TRAK1: variants seen among roughly 807,000 people sequenced by gnomAD.
TRAK1 encodes the protein trafficking kinesin protein 1.
In TRAK1, 33 loss-of-function variants were observed where a neutral mutation model predicts 92.1. That is an observed-to-expected ratio of 0.36 (90% CI 0.27 to 0.48). The LOEUF (loss-of-function observed/expected upper bound fraction) is 0.48, where lower values mean the gene tolerates loss of function less well. Among genes scored for constraint, TRAK1 ranks in the 20% least tolerant of loss-of-function variants. The probability of loss-of-function intolerance (pLI) is 0.99; values close to 1 mark genes in which losing one functional copy is unlikely to be tolerated. For missense variants in TRAK1, 1,123 were observed against 1,257.9 expected (o/e 0.89, Z 1.62); for synonymous variants, 521 against 517.3 (o/e 1.01, Z -0.10).
At position 42,223,233 on chromosome 3, in the gene TRAK1, T is replaced by A; in HGVS notation, c.2358T>A (p.Pro786=). ...AVIPSTPPNS[P]MQTPTSSPPS... is the part of the protein sequence containing the mutation. ...TCCCCTCTACTCCGCCGAACTCGCCTATGCAGACACCCACATCCTCCCCAC... is the reference window on the plus strand; with the variant it reads ...TCCCCTCTACTCCGCCGAACTCGCCAATGCAGACACCCACATCCTCCCCAC... The change falls in exon 16 of 16, where the codon CCT becomes CCA. Residue 786 remains proline (P), a synonymous_variant. Coordinates refer to ENST00000327628, the MANE Select transcript of TRAK1 (RefSeq NM_001042646.3). The surrounding 1 kb of genome is among the most constrained non-coding windows in gnomAD (Gnocchi z 6.1). The A allele has an allele frequency of 6.2e-7, 1 of 1,614,206 alleles. No individual in the cohort carries two copies. Among genetic ancestry groups the A allele is most frequent in the Non-Finnish European group, 8.5e-7 (1 of 1,180,030 alleles).
intron 1 of TRAK1, among the ~76,000 whole-genome samples, chr3:42,040,395 G>A (rs1702487275): frequency 6.6e-6 from 1 of 152,110 alleles, no homozygotes; most frequent in Non-Finnish European, 1.5e-5. Context: ...TTCTAAGAAT[G>A]TTATAGTTTT....
intron 1 of TRAK1, among the ~76,000 whole-genome samples, chr3:42,103,730 G>A (rs1433721504): frequency 7.9e-5 from 12 of 152,168 alleles, no homozygotes; most frequent in Non-Finnish European, 1.5e-4. Context: ...CAACATGGCC[G>A]AAAAGGAACA....
chr3:42,122,851 GT>G (rs1710068098), intron 1 of TRAK1, among the ~76,000 whole-genome samples: 1 of 152,134 alleles, frequency 6.6e-6, no homozygotes, highest in African/African-American at 2.4e-5. Context: ...GTCTGGTCTT[GT>G]TTTTGGCTGG....
chr3:42,013,650 G>A (rs1701394970), upstream of TRAK1, among the ~76,000 whole-genome samples: 2 of 148,024 alleles, frequency 1.4e-5, no homozygotes, highest in South Asian at 2.1e-4. This position sits in a 1 kb window ranked among gnomAD's most constrained non-coding sequence, Gnocchi z 5.1. Flanking sequence ...CCCGCTCGCG[G>A]GGGAGCCATG....
chr3:42,088,571 G>A (rs1044506983), upstream of TRAK1, among the ~76,000 whole-genome samples: 5 of 152,268 alleles, frequency 3.3e-5, no homozygotes, highest in African/African-American at 1.2e-4. Flanking sequence ...TTTCCCGCAG[G>A]CCAGTGTCTC....
At position 42,202,378 on chromosome 3, in the gene TRAK1, C is replaced by G; in HGVS notation, c.1428-58C>G. On this transcript the variant is annotated intron_variant, in intron 12 of 15. Coordinates refer to ENST00000327628, the MANE Select transcript of TRAK1 (RefSeq NM_001042646.3). The surrounding 1 kb of genome is among the most constrained non-coding windows in gnomAD (Gnocchi z 6.1). ...CACCGCTGTGCATTGAGCAGTCGGG[C>G]CTCTGTGGCCTTGGAGCCCTGCTGG... 1 of 1,438,876 alleles carries G rather than the reference C, an allele frequency of 6.9e-7. No individual in the cohort carries two copies. Among genetic ancestry groups the G allele is most frequent in the Non-Finnish European group, 9.2e-7 (1 of 1,089,612 alleles). 89.1% of individuals were successfully genotyped at this position (1,438,876 alleles called of 1,614,324 possible).
At position 42,106,338 on chromosome 3, in the gene TRAK1, A is replaced by G. The variant is rs546419012; in HGVS notation, c.91+14778A>G. On this transcript the variant is annotated intron_variant, in intron 1 of 15. Transcript: ENST00000327628. ...GGATGGAGGAAGATCTACCAAGCAA[A>G]TGGAAAACAAAACAAAAAAAAAGCA... Among the ~76,000 whole-genome samples the G allele has an allele frequency of 2.0e-5, 3 of 152,274 alleles. No individual in the cohort carries two copies. The South Asian group carries it at 6.2e-4, about 32-fold the overall frequency.
At chr3:42,108,278 C>CTAGG (rs1450654136) in intron 1 of TRAK1, among the ~76,000 whole-genome samples, 1 of 151,964 alleles carries the variant, frequency 6.6e-6, no homozygotes, top group East Asian at 1.9e-4. Flanking sequence ...ATCCCTTGAG[C>CTAGG]TAGGAGTTCA....
intron 1 of TRAK1, among the ~76,000 whole-genome samples, chr3:42,018,067 A>G (rs1331508042): frequency 7.0e-6 from 1 of 141,994 alleles, no homozygotes; most frequent in Non-Finnish European, 1.5e-5. Flanking sequence ...CCTGGGCAAC[A>G]TAGTGAGACC....
intron 1 of TRAK1, among the ~76,000 whole-genome samples, chr3:42,015,459 T>G (rs13064746): frequency 2.6e-5 from 4 of 152,144 alleles, no homozygotes; most frequent in African/African-American, 9.7e-5. Context: ...TCCTTCTCTG[T>G]GGTCTTGGAG....
chr3:42,192,671 A>C (rs1221309209), intron 7 of TRAK1, among the ~76,000 whole-genome samples: 1 of 152,224 alleles, frequency 6.6e-6, no homozygotes, highest in South Asian at 2.1e-4. Flanking sequence ...TGGGTGCAGC[A>C]GGGGATTCCT....
At chr3:42,182,808 A>G (rs1359776978) in intron 3 of TRAK1, among the ~76,000 whole-genome samples, 3 of 152,264 alleles carry the variant, frequency 2.0e-5, no homozygotes. Flanking sequence ...CTGCTATTGC[A>G]TGGAATAATT....
chr3:42,041,154 C>G (rs1051853571), intron 1 of TRAK1, among the ~76,000 whole-genome samples: 1 of 139,824 alleles, frequency 7.2e-6, no homozygotes, highest in Non-Finnish European at 1.5e-5. Context: ...AAAAAAAAAA[C>G]GGCTGGGATT....
intron 14 of TRAK1, chr3:42,219,208 C>A (rs539162398): frequency 2.0e-6 from 2 of 985,224 alleles, no homozygotes; most frequent in Non-Finnish European, 2.4e-6. Flanking sequence ...CCTCGCCTCC[C>A]ACCCCCAGAC....
intron 2 of TRAK1, among the ~76,000 whole-genome samples, chr3:42,165,879 A>G (rs1224867391): frequency 6.6e-6 from 1 of 151,972 alleles, no homozygotes; most frequent in African/African-American, 2.4e-5. Flanking sequence ...GGTTCTCCTA[A>G]TAGTGGGGTA....
chr3:42,029,517 C>T (rs968518096), intron 1 of TRAK1, among the ~76,000 whole-genome samples: 2 of 151,364 alleles, frequency 1.3e-5, no homozygotes, highest in Admixed American at 6.6e-5. Flanking sequence ...GCTGGGATTA[C>T]AGGTATGAGT....
At chr3:42,115,176 G>A (rs998894996) in intron 1 of TRAK1, among the ~76,000 whole-genome samples, 1 of 152,102 alleles carries the variant, frequency 6.6e-6, no homozygotes, top group Non-Finnish European at 1.5e-5. Context: ...TAACTTTCAC[G>A]TTTAAAATAA....
At chr3:42,215,418 AG>A (rs775781080) in intron 14 of TRAK1, among the ~76,000 whole-genome samples, 33 of 152,208 alleles carry the variant, frequency 2.2e-4, no homozygotes, top group Non-Finnish European at 4.0e-4. Context: ...CACACCCTTA[AG>A]CTGGATGGAC....
chr3:42,210,254 G>GT (rs1239464094), intron 14 of TRAK1: 1 of 1,523,754 alleles, frequency 6.6e-7, no homozygotes, highest in African/African-American at 1.4e-5. Context: ...GTCTGTGTGG[G>GT]TGATGATTAA....
Sources: gnomAD v4.1 joint callset for allele counts (sites outside exome capture counted in the v4.1 genomes callset) on GRCh38, gnomAD v4.1.1 for gene constraint, Gnocchi (gnomAD v3.1) non-coding constraint, MANE v1.5 for transcripts, NCBI Gene and HGNC (gene_info 2026-07-23, HGNC 2026-07-21) for gene names.